Variants in ZBTB16 observed in about 807,000 individuals in gnomAD.
ZBTB16 encodes the protein zinc finger and BTB domain-containing protein 16.
Under a neutral mutation model 56.8 loss-of-function variants are expected in ZBTB16, and 8 were observed. That is an observed-to-expected ratio of 0.14 (90% CI 0.08 to 0.25). The LOEUF is 0.25. ZBTB16 is among the 10% of genes least tolerant of loss of function. The pLI is 1.00. For synonymous variants in ZBTB16, 363 were observed against 368.5 expected, an observed-to-expected ratio of 0.98 and a Z score of 0.17; for missense variants, 625 against 903.0, an observed-to-expected ratio of 0.69 and a Z score of 3.95.
chr11:114,163,920 C>T (rs960994335), intron 3 of ZBTB16, among the ~76,000 whole-genome samples: 2 of 152,152 alleles, frequency 1.3e-5, no homozygotes, highest in Admixed American at 6.5e-5. Context: ...CCAACAGGCT[C>T]GACAGATTTT....
intron 2 of ZBTB16, among the ~76,000 whole-genome samples, chr11:114,109,575 T>C (rs556891691): frequency 6.6e-6 from 1 of 152,264 alleles, no homozygotes; most frequent in South Asian, 2.1e-4. Context: ...CAGGATGGGT[T>C]ATGGCCTGGA....
intron 3 of ZBTB16, among the ~76,000 whole-genome samples, chr11:114,164,076 C>T (rs1453764999): frequency 3.9e-5 from 6 of 152,204 alleles, no homozygotes; most frequent in Middle Eastern, 3.4e-3. Flanking sequence ...AGGACGATTG[C>T]GGCAGTGTCT....
chr11:114,110,516 C>G (rs1351665265), intron 2 of ZBTB16, among the ~76,000 whole-genome samples: 2 of 152,118 alleles, frequency 1.3e-5, no homozygotes, highest in Admixed American at 1.3e-4. Flanking sequence ...TTCACTGATG[C>G]AGATTTAAAG....
chr11:114,213,300 G>A (rs544639968), intron 4 of ZBTB16, among the ~76,000 whole-genome samples: 233 of 152,116 alleles, frequency 1.5e-3, no homozygotes, highest in Non-Finnish European at 2.7e-3. Flanking sequence ...TGTAGGACTC[G>A]CATAAATTCA....
At chr11:114,197,478 G>A (rs895146187) in intron 4 of ZBTB16, among the ~76,000 whole-genome samples, 1 of 152,134 alleles carries the variant, frequency 6.6e-6, no homozygotes, top group African/African-American at 2.4e-5. Flanking sequence ...TCTTTGCACT[G>A]TGTGGCCTCC....
Position 114,163,220 on chromosome 11 carries a change from CT to C in ZBTB16, c.1366+6788del, listed in dbSNP as rs1329367208. Among the ~76,000 whole-genome samples the C allele has an allele frequency of 7.2e-4, 108 of 149,210 alleles. 1 individual carries two copies. The highest frequency in any genetic ancestry group is 3.4e-3 in the Middle Eastern group (1 of 292). On this transcript the variant is annotated intron_variant, in intron 3 of 6. Transcript: ENST00000335953. The stretch of plus-strand genomic sequence containing the variant: ...TCCCCCCCCAACCCCACCCCCACCC[CT>C]TCTCGCTTTCTGCCTCAAGAGCCTA...
rs1053570611 is a variant in ZBTB16 at position 114,247,054 on chromosome 11, G to A, written c.1625-144G>A. 7.6e-5 allele frequency: 72 copies of A among 945,338 alleles called. No homozygotes were observed. In the African/African-American group the frequency reaches 8.9e-4, roughly 12 times the overall value. The allele number at this position is 945,338 out of a possible 1,614,324, so 58.6% of individuals were successfully genotyped here. ...AGGTATTGCTTGTTTATTCAATGGA[G>A]GTGTGGCCGTGGATCCTTAAGTTGT... On this transcript the variant is annotated intron_variant, in intron 5 of 6. Transcript: ENST00000335953.
At chr11:114,187,548 G>T in intron 4 of ZBTB16, 2 of 184,928 alleles carry the variant, frequency 1.1e-5, no homozygotes, top group Non-Finnish European at 1.2e-5. Flanking sequence ...GATTTCAAAG[G>T]GATTGATTTC....
At chr11:114,138,757 CT>C (rs1941866887) in intron 2 of ZBTB16, among the ~76,000 whole-genome samples, 2 of 151,932 alleles carry the variant, frequency 1.3e-5, no homozygotes, top group Admixed American at 1.3e-4. Flanking sequence ...GTGGTGCGAT[CT>C]CGGATCACTG....
chr11:114,249,788 A>AAAAAAAAAAAAAAC (rs909350435), intron 6 of ZBTB16, among the ~76,000 whole-genome samples: 1 of 148,500 alleles, frequency 6.7e-6, no homozygotes, highest in East Asian at 2.0e-4. Flanking sequence ...AAAAAAAAAA[A>AAAAAAAAAAAAAAC]AGAGAGCTTT....
At chr11:114,102,327 G>A (rs905400475) in intron 2 of ZBTB16, among the ~76,000 whole-genome samples, 1 of 152,124 alleles carries the variant, frequency 6.6e-6, no homozygotes, top group African/African-American at 2.4e-5. Context: ...TCTCACTGGG[G>A]GTTGAGGCTG....
At chr11:114,176,549 C>G (rs1378705005) in intron 3 of ZBTB16, among the ~76,000 whole-genome samples, 1 of 152,192 alleles carries the variant, frequency 6.6e-6, no homozygotes, top group Non-Finnish European at 1.5e-5. Context: ...AAGGATTCTG[C>G]TGGCTGAACC....
chr11:114,104,398 G>A (rs553895295), intron 2 of ZBTB16, among the ~76,000 whole-genome samples: 41 of 152,312 alleles, frequency 2.7e-4, no homozygotes, highest in African/African-American at 9.4e-4. Context: ...CACCCAAGAT[G>A]TAAACATTTC....
chr11:114,191,727 G>A (rs749658613), intron 4 of ZBTB16, among the ~76,000 whole-genome samples: 7 of 152,170 alleles, frequency 4.6e-5, no homozygotes, highest in Non-Finnish European at 7.3e-5. Context: ...ACATTTCTCA[G>A]AACATATCCT....
chr11:114,187,242 G>A (rs895790918), intron 4 of ZBTB16: 2 of 666,668 alleles, frequency 3.0e-6, no homozygotes, highest in Non-Finnish European at 5.5e-6. Flanking sequence ...GTATGACATG[G>A]CCCCATGAGA....
chr11:114,077,705 G>A (rs1325634681), intron 2 of ZBTB16, among the ~76,000 whole-genome samples: 1 of 152,134 alleles, frequency 6.6e-6, no homozygotes, highest in African/African-American at 2.4e-5. Flanking sequence ...TGCACCTCCT[G>A]ACACACCTGC....
At position 114,244,020 on chromosome 11, in the gene ZBTB16, C is replaced by G. The variant is rs556908964; in HGVS notation, c.1624+1683C>G. Among the ~76,000 whole-genome samples, 149 of 152,270 alleles carry G rather than the reference C, an allele frequency of 9.8e-4. No individual in the cohort carries two copies. In the South Asian group the frequency reaches 0.018, roughly 19 times the overall value. On this transcript the variant is annotated intron_variant, in intron 5 of 6. Coordinates refer to ENST00000335953, the MANE Select transcript of ZBTB16 (RefSeq NM_006006.6). ...CTGCCTATGCACACACAGAGAAACA[C>G]CCATCAATTTTCACACCAGCGAGGC...
chr11:114,230,925 C>T (rs1944432794), intron 4 of ZBTB16, among the ~76,000 whole-genome samples: 1 of 152,116 alleles, frequency 6.6e-6, no homozygotes, highest in African/African-American at 2.4e-5. Flanking sequence ...CTGCCTCTGC[C>T]TCCACCTCCC....
intron 2 of ZBTB16, among the ~76,000 whole-genome samples, chr11:114,124,557 C>CAAAAAAAAAAAAAAAAAAAAAAACA (rs1381254014): frequency 2.4e-5 from 1 of 41,054 alleles, no homozygotes; most frequent in Admixed American, 1.9e-4. Context: ...AAAAAAAAAC[C>CAAAAAAAAAAAAAAAAAAAAAAACA]AAAAAAAAAA....
Sources: allele counts gnomAD v4.1 joint callset (sites outside exome capture counted in the v4.1 genomes callset), GRCh38; gene constraint gnomAD v4.1.1; transcripts MANE v1.5; gene names NCBI Gene and HGNC (gene_info 2026-07-23, HGNC 2026-07-21).